UBE3A: variants seen among roughly 807,000 people sequenced by gnomAD.
UBE3A encodes the protein ubiquitin-protein ligase E3A.
Under a neutral mutation model 83.4 loss-of-function variants are expected in UBE3A, and 6 were observed. That is an observed-to-expected ratio of 0.07 (90% confidence interval 0.04 to 0.14). The LOEUF is 0.14. UBE3A is among the 10% of genes least tolerant of loss of function. UBE3A has a pLI of 1.00. For missense variants in UBE3A, 456 were observed against 1,036.1 expected, an observed-to-expected ratio of 0.44 and a Z score of 7.69; for synonymous variants, 337 against 355.4, an observed-to-expected ratio of 0.95 and a Z score of 0.58.
At chr15:25,379,590 C>A (rs2081825059) in intron 4 of UBE3A, among the ~76,000 whole-genome samples, 1 of 152,098 alleles carries the variant, frequency 6.6e-6, no homozygotes, top group Admixed American at 6.5e-5. Context: ...ATTTATCTGA[C>A]CTCATCTGCA....
intron 6 of UBE3A, among the ~76,000 whole-genome samples, chr15:25,369,279 C>CAGG: frequency 6.6e-6 from 1 of 151,166 alleles, no homozygotes; most frequent in African/African-American, 2.4e-5. Context: ...CCTTTTGTCT[C>CAGG]TGCTAGAAAA....
Position 25,407,307 on chromosome 15 carries a change from G to A in UBE3A, c.20+1781C>T, listed in dbSNP as rs2088852489. 4 of 1,021,540 alleles carry A rather than the reference G, an allele frequency of 3.9e-6. No homozygotes were observed. In the South Asian group the frequency reaches 9.2e-5, roughly 23 times the overall value. 63.3% of individuals were successfully genotyped at this position (1,021,540 alleles called of 1,614,324 possible). The stretch of plus-strand genomic sequence containing the variant: ...TTAGAAGTTTTCAAACACGTAGGCA[G>A]CAAAACTTTCAAAATTAACAGGGAA... On this transcript the variant is annotated intron_variant, in intron 3 of 12. Coordinates refer to ENST00000648336, the MANE Select transcript of UBE3A (RefSeq NM_130839.5).
rs1168649163 is a variant in UBE3A, at chr15:25,333,770, G to C, written c.*5367C>G. 1 of 151,704 alleles carries C rather than the reference G, an allele frequency of 6.6e-6. No individual in the cohort carries two copies. The highest frequency in any genetic ancestry group is 2.4e-5 in the African/African-American group (1 of 41,224). The allele number at this position is 151,704 out of a possible 1,614,324, so 9.4% of individuals were successfully genotyped here. ...AGGTTTATGTAGCATGGACAACTGAGATTATCCCAGGAATGCAAAGTTAAT... is the reference window on the plus strand; with the variant it reads ...AGGTTTATGTAGCATGGACAACTGACATTATCCCAGGAATGCAAAGTTAAT... On this transcript the variant is annotated 3_prime_UTR_variant, in exon 13 of 13. Coordinates refer to ENST00000648336, the MANE Select transcript of UBE3A (RefSeq NM_130839.5).
intron 7 of UBE3A, among the ~76,000 whole-genome samples, chr15:25,359,318 T>G (rs2077668342): frequency 6.6e-6 from 1 of 152,168 alleles, no homozygotes; most frequent in African/African-American, 2.4e-5. Context: ...AAAAAGGGCG[T>G]CGTCTTATGT....
At chr15:25,394,290 A>G (rs2085050239) in intron 4 of UBE3A, among the ~76,000 whole-genome samples, 1 of 152,212 alleles carries the variant, frequency 6.6e-6, no homozygotes, top group Non-Finnish European at 1.5e-5. Context: ...TACTGTCTCG[A>G]TAACAGTGTC....
At chr15:25,347,715 A>G (rs1196356230) in intron 11 of UBE3A, among the ~76,000 whole-genome samples, 1 of 152,094 alleles carries the variant, frequency 6.6e-6, no homozygotes, top group Non-Finnish European at 1.5e-5. Context: ...AAAAACAAAC[A>G]AACAAACAAA....
intron 1 of UBE3A, among the ~76,000 whole-genome samples, chr15:25,420,093 A>C (rs182080366): frequency 1.1e-3 from 162 of 152,292 alleles, no homozygotes; most frequent in Non-Finnish European, 1.6e-3. Context: ...TCTGAAAGCA[A>C]GATGCAACTA....
chr15:25,350,396 T>A (rs2076330773), intron 11 of UBE3A, among the ~76,000 whole-genome samples: 1 of 151,796 alleles, frequency 6.6e-6, no homozygotes, highest in Admixed American at 6.6e-5. Flanking sequence ...TTCATGGAAT[T>A]TTCTACTTAA....
In UBE3A at chr15:25,334,607, A is replaced by C. The variant is rs1040003862; in HGVS notation, c.*4530T>G. On this transcript the variant is annotated 3_prime_UTR_variant, in exon 13 of 13. Transcript: ENST00000648336. Reference sequence around the variant, plus strand: ...AAAACAGACAAAATGATTTTGGGGAAAAAAAAAAAAAAAATGGAGGACTTG... The same window carrying C: ...AAAACAGACAAAATGATTTTGGGGACAAAAAAAAAAAAAATGGAGGACTTG... The C allele has an allele frequency of 4.3e-5, 2 of 46,866 alleles. No individual in the cohort carries two copies. The highest frequency in any genetic ancestry group is 1.3e-4 in the Non-Finnish European group (2 of 15,584). The allele number at this position is 46,866 out of a possible 1,614,324, so 2.9% of individuals were successfully genotyped here. A position where few individuals can be genotyped will look rare whatever the true frequency, so the allele number is the denominator to read the frequency against.
chr15:25,397,145 T>G (rs1210745179), intron 4 of UBE3A, among the ~76,000 whole-genome samples: 1 of 152,192 alleles, frequency 6.6e-6, no homozygotes, highest in East Asian at 1.9e-4. Flanking sequence ...GATATAGGAA[T>G]GTGAGAAATG....
Position 25,409,087 on chromosome 15 carries a change from C to T in UBE3A, c.20+1G>A, listed in dbSNP as rs1410677575. The T allele has an allele frequency of 6.3e-7, 1 of 1,589,442 alleles. No individual in the cohort carries two copies. Among genetic ancestry groups the T allele is most frequent in the Non-Finnish European group, 8.6e-7 (1 of 1,166,366 alleles). On this transcript the variant is annotated splice_donor_variant, in intron 3 of 12. Coordinates refer to ENST00000648336, the MANE Select transcript of UBE3A (RefSeq NM_130839.5). LOFTEE classifies it high-confidence loss of function. ...AAGGCTGTAAAATAATTCAAAATTA[C>T]CTTTTACAAGCTGTGGCCATTCGGT...
intron 4 of UBE3A, among the ~76,000 whole-genome samples, chr15:25,400,667 A>T (rs2086862026): frequency 6.6e-6 from 1 of 152,148 alleles, no homozygotes; most frequent in African/African-American, 2.4e-5. Flanking sequence ...TTTATATCTT[A>T]CAACTTTACT....
At chr15:25,425,285 A>C (rs183234873) in intron 1 of UBE3A, among the ~76,000 whole-genome samples, 1 of 152,292 alleles carries the variant, frequency 6.6e-6, no homozygotes, top group Admixed American at 6.5e-5. Flanking sequence ...AAAGCAGATT[A>C]GTGGTTTCCA....
rs372526793 is a variant in UBE3A, at chr15:25,371,168, T to G, written c.1006A>C (p.Met336Leu). The G allele has an allele frequency of 5.0e-6, 8 of 1,614,180 alleles. No homozygotes were observed. In the African/African-American group the frequency reaches 1.1e-4, roughly 22 times the overall value. ...SKYNADQIRR[M>L]METFQQLITY... is the part of the protein sequence containing the mutation. ...ATAAGTTGCTGAAATGTCTCCATCA[T>G]TCTCCGAATCTGGTCTGCATTGTAT... The change falls in exon 6 of 13, where the codon ATG becomes CTG. Residue 336 changes from methionine (M) to leucine (L), a missense_variant. By Grantham distance (15) the Met-to-Leu change is conservative (BLOSUM62 2). Coordinates refer to ENST00000648336, the MANE Select transcript of UBE3A (RefSeq NM_130839.5). This position sits in a 1 kb window ranked among gnomAD's most constrained non-coding sequence, Gnocchi z 5.3.
intron 11 of UBE3A, among the ~76,000 whole-genome samples, chr15:25,348,117 T>C (rs1277246883): frequency 6.6e-6 from 1 of 152,056 alleles, no homozygotes; most frequent in East Asian, 1.9e-4. Flanking sequence ...ACTTATATAA[T>C]GATAAAGGAC....
chr15:25,393,713 T>A (rs1463325653), intron 4 of UBE3A: 1 of 152,236 alleles, frequency 6.6e-6, no homozygotes, highest in Admixed American at 6.5e-5. Context: ...CATTCAACTA[T>A]CCCTACTGTG....
Position 25,337,762 on chromosome 15 carries a change from T to C in UBE3A, c.*1375A>G, listed in dbSNP as rs886502107. The C allele has an allele frequency of 2.6e-5, 4 of 152,088 alleles. No individual in the cohort carries two copies. Among genetic ancestry groups the C allele is most frequent in the African/African-American group, 4.8e-5 (2 of 41,418 alleles). 9.4% of individuals were successfully genotyped at this position (152,088 alleles called of 1,614,324 possible). Reference sequence around the variant, plus strand: ...CTTGTAGCAAAAGGATATATCAATGTCTCACCTTAGTTAAAAATACATAAT... The same window carrying C: ...CTTGTAGCAAAAGGATATATCAATGCCTCACCTTAGTTAAAAATACATAAT... On this transcript the variant is annotated 3_prime_UTR_variant, in exon 13 of 13. Coordinates refer to ENST00000648336, the MANE Select transcript of UBE3A (RefSeq NM_130839.5).
rs1166543371 is a variant in UBE3A, at chr15:25,336,927, T to C, written c.*2210A>G. ...GTATCCACTGTAGTCAAAATGTCTA[T>C]GTTTTGCTCTTCCTTATTGTTCAGG... On this transcript the variant is annotated 3_prime_UTR_variant, in exon 13 of 13. Transcript: ENST00000648336. 6.6e-6 allele frequency: 1 copy of C among 152,130 alleles called. No individual in the cohort carries two copies. The highest frequency in any genetic ancestry group is 1.9e-4 in the East Asian group (1 of 5,178). 9.4% of individuals were successfully genotyped at this position (152,130 alleles called of 1,614,324 possible).
intron 9 of UBE3A, among the ~76,000 whole-genome samples, chr15:25,355,594 C>T (rs972922446): frequency 1.3e-5 from 2 of 152,198 alleles, no homozygotes; most frequent in East Asian, 1.9e-4. Flanking sequence ...GAGGTTCCTG[C>T]TTACAGCTTA....
Sources: gnomAD v4.1 joint callset for allele counts (sites outside exome capture counted in the v4.1 genomes callset) on GRCh38, gnomAD v4.1.1 for gene constraint, Gnocchi (gnomAD v3.1) non-coding constraint, MANE v1.5 for transcripts, NCBI Gene and HGNC (gene_info 2026-07-23, HGNC 2026-07-21) for gene names.